The following GLRA1 variants were observed in gnomAD, a reference collection of about 807,000 sequenced individuals.
GLRA1 encodes glycine receptor alpha 1, also known as glycine receptor subunit alpha-1.
GLRA1 carries 37 observed loss-of-function variants against 48.3 expected under a neutral mutation model. The observed-to-expected ratio is 0.77, with a 90% CI of 0.59 to 1.01. The LOEUF (loss-of-function observed/expected upper bound fraction) is 1.01, where lower values mean the gene tolerates loss of function less well. Ranked by LOEUF, GLRA1 falls within the 50% of genes least tolerant of loss-of-function variation. The pLI, the probability that GLRA1 is intolerant of heterozygous loss-of-function variation, is 0.00. For synonymous variants in GLRA1, 196 were observed against 210.7 expected, an observed-to-expected ratio of 0.93 and a Z score of 0.60; for missense variants, 427 against 571.0, an observed-to-expected ratio of 0.75 and a Z score of 2.57.
At chr5:151,859,111 G>C (rs963106962) in intron 4 of GLRA1, among the ~76,000 whole-genome samples, 2 of 152,168 alleles carry the variant, frequency 1.3e-5, no homozygotes, top group Non-Finnish European at 2.9e-5. Flanking sequence ...AAAGTACCTG[G>C]CATAGTTAGT....
At chr5:151,912,763 A>G (rs756067247) in intron 1 of GLRA1, among the ~76,000 whole-genome samples, 1 of 152,194 alleles carries the variant, frequency 6.6e-6, no homozygotes, top group African/African-American at 2.4e-5. Context: ...CTGGGATGAC[A>G]TTATCTATGA....
chr5:151,885,673 G>A (rs1753882248), intron 3 of GLRA1, among the ~76,000 whole-genome samples: 1 of 152,226 alleles, frequency 6.6e-6, no homozygotes, highest in South Asian at 2.1e-4. Flanking sequence ...AGAGCTGTAA[G>A]CAATCGGTGC....
intron 1 of GLRA1, among the ~76,000 whole-genome samples, chr5:151,921,463 G>C (rs576772853): frequency 7.9e-5 from 12 of 152,168 alleles, no homozygotes; most frequent in African/African-American, 2.9e-4. Flanking sequence ...CTAGCACCAG[G>C]GATGCGGCTA....
At chr5:151,860,369 A>G (rs1034788776) in intron 3 of GLRA1, among the ~76,000 whole-genome samples, 2 of 152,164 alleles carry the variant, frequency 1.3e-5, no homozygotes, top group Non-Finnish European at 2.9e-5. Flanking sequence ...TTTTTTTTAA[A>G]TAAGAGAAAA....
chr5:151,847,377 A>G (rs1019539434), intron 7 of GLRA1, among the ~76,000 whole-genome samples: 3 of 152,148 alleles, frequency 2.0e-5, no homozygotes, highest in African/African-American at 7.2e-5. Flanking sequence ...TTGTACCTCA[A>G]CTAGGGGTGA....
intron 3 of GLRA1, among the ~76,000 whole-genome samples, chr5:151,877,469 G>T (rs978233236): frequency 7.9e-5 from 12 of 151,976 alleles, no homozygotes; most frequent in African/African-American, 2.7e-4. Flanking sequence ...TGAATGAAGA[G>T]ATACCAGTAA....
chr5:151,828,496 G>A (rs1367495605), intron 8 of GLRA1, among the ~76,000 whole-genome samples: 1 of 152,174 alleles, frequency 6.6e-6, no homozygotes, highest in Non-Finnish European at 1.5e-5. Context: ...GCAAAGGCCT[G>A]AACCTGGGCA....
chr5:151,849,104 T>TTTTCTTTCTTTCTCTTTCTTTCTTTC, intron 7 of GLRA1: 1 of 116,086 alleles, frequency 8.6e-6, no homozygotes, highest in East Asian at 1.4e-4. Flanking sequence ...ATTTCTTTTC[T>TTTTCTTTCTTTCTCTTTCTTTCTTTC]TTTCTTTCTT....
chr5:151,872,390 A>G (rs941463571), intron 3 of GLRA1, among the ~76,000 whole-genome samples: 3 of 149,858 alleles, frequency 2.0e-5, no homozygotes, highest in Admixed American at 2.0e-4. Flanking sequence ...TGGTGAAAAT[A>G]AAAAAGCTTG....
intron 6 of GLRA1, among the ~76,000 whole-genome samples, chr5:151,854,539 A>G (rs1165143185): frequency 6.6e-6 from 1 of 152,172 alleles, no homozygotes; most frequent in Non-Finnish European, 1.5e-5. Context: ...CAATCTTCCA[A>G]CAAAAGCATG....
At chr5:151,895,991 T>C (rs769812512) in intron 1 of GLRA1, among the ~76,000 whole-genome samples, 3 of 152,192 alleles carry the variant, frequency 2.0e-5, no homozygotes, top group Non-Finnish European at 2.9e-5. Flanking sequence ...AACATAGTAC[T>C]CCCTCCCAGC....
chr5:151,915,189 T>C (rs1581665769), intron 1 of GLRA1, among the ~76,000 whole-genome samples: 1 of 152,210 alleles, frequency 6.6e-6, no homozygotes, highest in Admixed American at 6.5e-5. Flanking sequence ...GTTGTTAGCA[T>C]AGTATCTAGC....
At chr5:151,865,723 G>A (rs1383278297) in intron 3 of GLRA1, among the ~76,000 whole-genome samples, 2 of 152,086 alleles carry the variant, frequency 1.3e-5, no homozygotes, top group East Asian at 3.9e-4. Flanking sequence ...CCATCTCTTT[G>A]TATTTCATAA....
At chr5:151,886,933 C>A in intron 2 of GLRA1, 145 bp from the exon 3 acceptor site, 1 of 703,348 alleles carries the variant, frequency 1.4e-6, no homozygotes. Context: ...CCCCCAAGCA[C>A]CTGGGATTCC....
At chr5:151,828,827 G>A in intron 8 of GLRA1, 94 bp downstream of exon 8, 1 of 1,268,270 alleles carries the variant, frequency 7.9e-7, no homozygotes, top group Non-Finnish European at 1.1e-6. Flanking sequence ...TGAGAAGGAT[G>A]GACCATTGAA....
intron 1 of GLRA1, among the ~76,000 whole-genome samples, chr5:151,902,862 G>T (rs1754396158): frequency 6.6e-6 from 1 of 152,144 alleles, no homozygotes; most frequent in African/African-American, 2.4e-5. Flanking sequence ...GGTCCATAGA[G>T]ATTAAATAAT....
At chr5:151,840,506 C>T (rs1375449588) in intron 7 of GLRA1, among the ~76,000 whole-genome samples, 6 of 152,028 alleles carry the variant, frequency 3.9e-5, no homozygotes, top group Non-Finnish European at 8.8e-5. Flanking sequence ...TACGAAATCG[C>T]ATTTTTTATT....
At chr5:151,823,231 C>G (rs747285212) in intron 8 of GLRA1, among the ~76,000 whole-genome samples, 4 of 152,096 alleles carry the variant, frequency 2.6e-5, no homozygotes, top group African/African-American at 7.2e-5. Flanking sequence ...CCAGCTCTAT[C>G]AATTGCTGGT....
chr5:151,900,756 A>G lies in GLRA1; in HGVS notation c.57-8318T>C, dbSNP rs144006086. On this transcript the variant is annotated intron_variant, in intron 1 of 8. Coordinates refer to ENST00000274576, the MANE Select transcript of GLRA1 (RefSeq NM_000171.4). ...TCCTGGTCTTTTCTGTTTCAAGCCAAACTTTCAGCTCTGTAACCTTCCTTT... is the reference window on the plus strand; with the variant it reads ...TCCTGGTCTTTTCTGTTTCAAGCCAGACTTTCAGCTCTGTAACCTTCCTTT... Among the ~76,000 whole-genome samples, 1,184 of 152,300 alleles carry G rather than the reference A, an allele frequency of 7.8e-3. 17 individuals are homozygous for G. The highest frequency in any genetic ancestry group is 0.027 in the African/African-American group (1,140 of 41,576).
Sources: gnomAD v4.1 joint callset for allele counts (sites outside exome capture counted in the v4.1 genomes callset) on GRCh38, gnomAD v4.1.1 for gene constraint, MANE v1.5 for transcripts, NCBI Gene and HGNC (gene_info 2026-07-23, HGNC 2026-07-21) for gene names.